PTPRQ: variants seen among roughly 807,000 people sequenced by gnomAD.
PTPRQ encodes the protein phosphatidylinositol phosphatase PTPRQ.
Under a neutral mutation model 246.0 loss-of-function variants are expected in PTPRQ, and 199 were observed. The ratio of observed to expected loss-of-function variants is 0.81; its 90% CI spans 0.72 to 0.91. The LOEUF (loss-of-function observed/expected upper bound fraction) is 0.91. Ranked by LOEUF, PTPRQ falls within the 40% of genes least tolerant of loss-of-function variation. The pLI, the probability that PTPRQ is intolerant of heterozygous loss-of-function variation, is 0.00. For missense variants in PTPRQ, 2,624 were observed against 2,528.4 expected, an observed-to-expected ratio of 1.04 and a Z score of -0.81; for synonymous variants, 869 against 853.2, an observed-to-expected ratio of 1.02 and a Z score of -0.32.
chr12:80,547,557 A>G (rs1896344980), intron 24 of PTPRQ, among the ~76,000 whole-genome samples: 2 of 152,108 alleles, frequency 1.3e-5, no homozygotes, highest in Non-Finnish European at 2.9e-5. Context: ...TTTTTCGTGC[A>G]TTTCTGTAAC....
At chr12:80,515,955 G>A (rs1230950507) in intron 17 of PTPRQ, among the ~76,000 whole-genome samples, 1 of 152,086 alleles carries the variant, frequency 6.6e-6, no homozygotes, top group Non-Finnish European at 1.5e-5. Context: ...ATTTTAAAAT[G>A]ATTTTTCCTT....
intron 3 of PTPRQ, among the ~76,000 whole-genome samples, chr12:80,451,021 G>T (rs960884311): frequency 1.3e-5 from 2 of 152,126 alleles, no homozygotes; most frequent in Admixed American, 6.6e-5. Context: ...ACTCTTTTTC[G>T]TTGGCAAGCT....
At chr12:80,602,300 A>G (rs1271366558) in intron 26 of PTPRQ, among the ~76,000 whole-genome samples, 1 of 151,830 alleles carries the variant, frequency 6.6e-6, no homozygotes, top group East Asian at 1.9e-4. Flanking sequence ...CCTAAATTCC[A>G]TAGACATAAT....
chr12:80,448,703 C>A (rs566962962), intron 3 of PTPRQ, among the ~76,000 whole-genome samples: 2 of 149,622 alleles, frequency 1.3e-5, no homozygotes, highest in African/African-American at 5.0e-5. Flanking sequence ...AGGGCATGAA[C>A]TCATCATTTT....
intron 25 of PTPRQ, among the ~76,000 whole-genome samples, chr12:80,573,684 T>C (rs997311830): frequency 1.3e-5 from 2 of 152,188 alleles, no homozygotes; most frequent in Non-Finnish European, 2.9e-5. Context: ...CAAGGTTTTT[T>C]GTAATCTGCA....
intron 35 of PTPRQ, among the ~76,000 whole-genome samples, chr12:80,640,333 A>T (rs891998007): frequency 3.9e-5 from 6 of 152,196 alleles, no homozygotes; most frequent in African/African-American, 1.4e-4. Flanking sequence ...CTGATATATG[A>T]AATTCTAATA....
chr12:80,469,833 C>T (rs893844096), intron 7 of PTPRQ, among the ~76,000 whole-genome samples: 1 of 152,224 alleles, frequency 6.6e-6, no homozygotes, highest in Non-Finnish European at 1.5e-5. Context: ...CTGAAGTACT[C>T]TTTCATTTGT....
rs1898932356 is a variant in PTPRQ, at chr12:80,620,328, A to G, written c.5564A>G (p.Asn1855Ser). ...GADNACMIPG[N>S]EDKICNGPLK... The stretch of plus-strand genomic sequence containing the variant: ...GATAATGCATGCATGATTCCTGGCA[A>G]TGAAGACAAAATTTGCAATGGACCA... Residue 1855 changes from asparagine to serine, a missense_variant, in exon 32 of 45, where the codon AAT becomes AGT. Asn to Ser is a conservative substitution (Grantham distance 46). Transcript: ENST00000644991. 7 of 1,549,448 alleles carry G rather than the reference A, an allele frequency of 4.5e-6. No homozygotes were observed. In the South Asian group the frequency reaches 4.8e-5, roughly 11 times the overall value.
At chr12:80,613,954 G>T in intron 29 of PTPRQ, 118 bp downstream of exon 29, 1 of 1,203,686 alleles carries the variant, frequency 8.3e-7, no homozygotes. Flanking sequence ...TTGTGAGATT[G>T]TTTGACATCT....
chr12:80,651,625 C>T (rs1900261900), intron 37 of PTPRQ, among the ~76,000 whole-genome samples: 1 of 152,062 alleles, frequency 6.6e-6, no homozygotes, highest in South Asian at 2.1e-4. Flanking sequence ...AAACAATCAA[C>T]CTAGTGTTTG....
At chr12:80,596,166 G>T (rs991275785) in intron 26 of PTPRQ, among the ~76,000 whole-genome samples, 1 of 151,916 alleles carries the variant, frequency 6.6e-6, no homozygotes, top group African/African-American at 2.4e-5. Flanking sequence ...AGAGTGCTAA[G>T]TGTGATTACA....
chr12:80,654,169 C>G (rs922005890), intron 38 of PTPRQ, among the ~76,000 whole-genome samples: 1 of 151,780 alleles, frequency 6.6e-6, no homozygotes, highest in African/African-American at 2.4e-5. Flanking sequence ...AACCTTGGCT[C>G]ACTGCAACTT....
At chr12:80,534,609 T>C (rs1200459868) in intron 18 of PTPRQ, among the ~76,000 whole-genome samples, 1 of 152,088 alleles carries the variant, frequency 6.6e-6, no homozygotes, top group Non-Finnish European at 1.5e-5. Flanking sequence ...AAACCTGTTA[T>C]AATATTGTTC....
intron 3 of PTPRQ, among the ~76,000 whole-genome samples, chr12:80,450,981 G>C (rs1892745447): frequency 6.6e-6 from 1 of 152,206 alleles, no homozygotes. Flanking sequence ...ACCTCTGGTA[G>C]AATTCGGCTG....
Position 80,549,657 on chromosome 12 carries a change from T to C in PTPRQ, c.4208T>C (p.Val1403Ala). ...FIKLLANTSY[V>A]FKVRASTSAG... Reference sequence around the variant, plus strand: ...AAGCTTCTTGCCAATACCTCATATGTCTTTAAAGTAAGAGCTTCAACCTCA... The same window carrying C: ...AAGCTTCTTGCCAATACCTCATATGCCTTTAAAGTAAGAGCTTCAACCTCA... Residue 1403 changes from valine to alanine, a missense_variant, in exon 25 of 45, where the codon GTC becomes GCC. Coordinates refer to ENST00000644991, the MANE Select transcript of PTPRQ (RefSeq NM_001145026.2). 2 of 1,551,150 alleles carry C rather than the reference T, an allele frequency of 1.3e-6. No homozygotes were observed. Among genetic ancestry groups the C allele is most frequent in the Non-Finnish European group, 1.7e-6 (2 of 1,146,552 alleles).
At chr12:80,636,007 C>T (rs921493614) in intron 35 of PTPRQ, among the ~76,000 whole-genome samples, 5 of 152,086 alleles carry the variant, frequency 3.3e-5, no homozygotes, top group Non-Finnish European at 7.4e-5. Context: ...ATGGACTTTG[C>T]AAGTATATTT....
chr12:80,568,951 A>G (rs531137491), intron 25 of PTPRQ, among the ~76,000 whole-genome samples: 1 of 152,280 alleles, frequency 6.6e-6, no homozygotes, highest in South Asian at 2.1e-4. Context: ...TTTTGAGAAG[A>G]CAGGTGTTAC....
intron 9 of PTPRQ, among the ~76,000 whole-genome samples, chr12:80,487,617 C>T (rs551916373): frequency 6.6e-6 from 1 of 152,154 alleles, no homozygotes; most frequent in African/African-American, 2.4e-5. Context: ...AGGCTTGAAA[C>T]CTTGGAGTCA....
chr12:80,644,415 C>T (rs565802988), intron 35 of PTPRQ, among the ~76,000 whole-genome samples: 1 of 152,226 alleles, frequency 6.6e-6, no homozygotes, highest in Admixed American at 6.5e-5. Context: ...TGACAGTAAC[C>T]TTCACTATCA....
Sources: gnomAD v4.1 joint callset for allele counts (sites outside exome capture counted in the v4.1 genomes callset) on GRCh38, gnomAD v4.1.1 for gene constraint, MANE v1.5 for transcripts, NCBI Gene and HGNC (gene_info 2026-07-23, HGNC 2026-07-21) for gene names.